Variants in MAN1C1 observed in about 807,000 individuals in gnomAD.
The protein encoded by MAN1C1 is mannosidase alpha class 1C member 1, also known as mannosyl-oligosaccharide 1,2-alpha-mannosidase IC.
Under a neutral mutation model 71.5 loss-of-function variants are expected in MAN1C1, and 49 were observed. The ratio of observed to expected loss-of-function variants is 0.69; its 90% CI spans 0.54 to 0.87. The LOEUF (loss-of-function observed/expected upper bound fraction) is 0.87, where lower values mean the gene tolerates loss of function less well. MAN1C1 is among the 40% of genes least tolerant of loss of function. MAN1C1 has a pLI of 0.00. For missense variants in MAN1C1, 743 were observed against 835.0 expected (o/e 0.89, Z 1.36); for synonymous variants, 352 against 343.7 (o/e 1.02, Z -0.27).
chr1:25,745,959 C>A (rs1355678584), intron 2 of MAN1C1, among the ~76,000 whole-genome samples: 1 of 151,798 alleles, frequency 6.6e-6, no homozygotes, highest in Non-Finnish European at 1.5e-5. Flanking sequence ...CCATTATACT[C>A]CAGTCTGAGC....
At chr1:25,633,805 C>T (rs1557741550) in intron 1 of MAN1C1, among the ~76,000 whole-genome samples, 1 of 152,026 alleles carries the variant, frequency 6.6e-6, no homozygotes, top group Non-Finnish European at 1.5e-5. Context: ...GGTGCTGTTC[C>T]ATTTATCATG....
At chr1:25,641,759 T>G in intron 1 of MAN1C1, among the ~76,000 whole-genome samples, 1 of 152,210 alleles carries the variant, frequency 6.6e-6, no homozygotes, top group East Asian at 1.9e-4. Context: ...AAATTTTCTG[T>G]ATTTATTAAG....
chr1:25,624,007 A>C (rs77505866), intron 1 of MAN1C1, among the ~76,000 whole-genome samples: 6 of 152,248 alleles, frequency 3.9e-5, no homozygotes, highest in Admixed American at 2.6e-4. Context: ...AAAGACCAGG[A>C]TCATTCAAAC....
chr1:25,653,815 G>C (rs142787868), intron 1 of MAN1C1, among the ~76,000 whole-genome samples: 35 of 152,298 alleles, frequency 2.3e-4, no homozygotes, highest in African/African-American at 8.4e-4. Flanking sequence ...GGAGCAGCAC[G>C]CTTCAAAACT....
In MAN1C1 at chr1:25,634,798, C is replaced by T. The variant is rs959548224; in HGVS notation, c.540+16461C>T. ...TTGTGCCACTGCACTCCAGCCTGGG[C>T]AACAGAGCGAGACTCTGTCTCAAAA... On this transcript the variant is annotated intron_variant, in intron 1 of 11. Transcript: ENST00000374332. The surrounding 1 kb of genome is among the most constrained non-coding windows in gnomAD (Gnocchi z 4.6). Among the ~76,000 whole-genome samples, 109 of 151,824 alleles carry T rather than the reference C, an allele frequency of 7.2e-4. No homozygotes were observed. Among genetic ancestry groups the T allele is most frequent in the Non-Finnish European group, 2.8e-4 (19 of 67,980 alleles).
Position 25,618,047 on chromosome 1 carries a change from C to G in MAN1C1, c.250C>G (p.Pro84Ala), listed in dbSNP as rs2045135315. Reference sequence around the variant, plus strand: ...CCGCGAGCAGGAGCCGCCTCCCAACCCGGCCCCCGCCGCGCCGGCCCCGGG... The same window carrying G: ...CCGCGAGCAGGAGCCGCCTCCCAACGCGGCCCCCGCCGCGCCGGCCCCGGG... ...PAREQEPPPN[P>A]APAAPAPGED... Residue 84 changes from proline (P) to alanine (A), a missense_variant, in exon 1 of 12, where the codon CCG (proline) becomes GCG (alanine). Pro to Ala is a conservative substitution (Grantham distance 27). Coordinates refer to ENST00000374332, the MANE Select transcript of MAN1C1 (RefSeq NM_020379.4). 1 of 1,567,710 alleles carries G rather than the reference C, an allele frequency of 6.4e-7. No individual in the cohort carries two copies. The highest frequency in any genetic ancestry group is 1.8e-5 in the Admixed American group (1 of 55,062).
chr1:25,756,706 T>A (rs807259), intron 5 of MAN1C1, among the ~76,000 whole-genome samples: 96,542 of 151,844 alleles, frequency 0.64, 31,808 homozygotes, highest in Middle Eastern at 0.83. Context: ...AGCAGACCTG[T>A]TTGAATCCTG....
At chr1:25,700,940 G>C (rs1051059375) in intron 2 of MAN1C1, among the ~76,000 whole-genome samples, 1 of 152,258 alleles carries the variant, frequency 6.6e-6, no homozygotes, top group Non-Finnish European at 1.5e-5. Context: ...GCACCCCCCA[G>C]ATGGCTGTCT....
chr1:25,696,564 C>G (rs2046372330), intron 2 of MAN1C1, among the ~76,000 whole-genome samples: 1 of 152,170 alleles, frequency 6.6e-6, no homozygotes, highest in African/African-American at 2.4e-5. Flanking sequence ...AAAAGCATTT[C>G]CATCACCCTA....
chr1:25,755,001 T>C (rs1010708803), intron 5 of MAN1C1, among the ~76,000 whole-genome samples: 1 of 152,040 alleles, frequency 6.6e-6, no homozygotes, highest in East Asian at 1.9e-4. Context: ...TGGCACTGAG[T>C]TTGCTCTTCG....
At chr1:25,766,263 T>G (rs938114509) in intron 7 of MAN1C1, among the ~76,000 whole-genome samples, 4 of 152,114 alleles carry the variant, frequency 2.6e-5, no homozygotes, top group Admixed American at 2.6e-4. Flanking sequence ...GGGGTTATAA[T>G]GCCCAGCTCG....
chr1:25,676,434 C>T (rs2046069713), intron 1 of MAN1C1, among the ~76,000 whole-genome samples: 1 of 152,162 alleles, frequency 6.6e-6, no homozygotes, highest in Non-Finnish European at 1.5e-5. Context: ...GGGTCACCAA[C>T]CAGGTCATGT....
At chr1:25,723,139 G>T (rs1451595205) in intron 2 of MAN1C1, among the ~76,000 whole-genome samples, 1 of 152,112 alleles carries the variant, frequency 6.6e-6, no homozygotes. Context: ...TGGGCAAGAG[G>T]GCAAAGGTGG....
At position 25,783,702 on chromosome 1, in the gene MAN1C1, C is replaced by G; in HGVS notation, c.1806C>G (p.Ser602=). The change falls in exon 12 of 12, where the codon TCC becomes TCG. Residue 602 remains serine (S), a synonymous_variant. Coordinates refer to ENST00000374332, the MANE Select transcript of MAN1C1 (RefSeq NM_020379.4). Reference sequence around the variant, plus strand: ...TGTTCTCTGAAGATGACTTGCTCTCCCTGGAAGACTGGGTGTTCAACACCG... The same window carrying G: ...TGTTCTCTGAAGATGACTTGCTCTCGCTGGAAGACTGGGTGTTCAACACCG... The part of the protein sequence containing the change: ...YLLFSEDDLL[S]LEDWVFNTEA... 5 of 1,613,468 alleles carry G rather than the reference C, an allele frequency of 3.1e-6. No homozygotes were observed. Among genetic ancestry groups the G allele is most frequent in the Non-Finnish European group, 4.2e-6 (5 of 1,180,020 alleles).
Position 25,782,797 on chromosome 1 carries a change from G to A in MAN1C1, c.1766+97G>A. 1.1e-6 allele frequency: 1 copy of A among 937,454 alleles called. No homozygotes were observed. The highest frequency in any genetic ancestry group is 1.7e-6 in the Non-Finnish European group (1 of 592,184). 58.1% of individuals were successfully genotyped at this position (937,454 alleles called of 1,614,324 possible). On this transcript the variant is annotated intron_variant, in intron 11 of 11. Transcript: ENST00000374332. The surrounding 1 kb of genome is among the most constrained non-coding windows in gnomAD (Gnocchi z 4.4). ...TCCACAGTCAGGTTCTGTGGTCACA[G>A]GACGGGAGCCCAAAAGGGGTGAAGG...
chr1:25,722,130 C>T (rs1311683182), intron 2 of MAN1C1, among the ~76,000 whole-genome samples: 9 of 152,190 alleles, frequency 5.9e-5, no homozygotes, highest in African/African-American at 1.2e-4. Context: ...TCCGACATTC[C>T]GGATGAGAAA....
In MAN1C1 at chr1:25,761,620, C is replaced by CTATTTTT. The variant is rs1330318972; in HGVS notation, c.1048-2253_1048-2252insATTTTTT. ...ACCATTCTACTCTCTACCTCTACTT[C>CTATTTTT]TTTTTTTTTTTTTTTTTTTTTGAGA... is the stretch of plus-strand genomic sequence containing the variant. On this transcript the variant is annotated intron_variant, in intron 6 of 11. Coordinates refer to ENST00000374332, the MANE Select transcript of MAN1C1 (RefSeq NM_020379.4). The CTATTTTT allele has an allele frequency of 3.5e-4, 34 of 95,810 alleles. 1 individual carries two copies. Among genetic ancestry groups the CTATTTTT allele is most frequent in the African/African-American group, 1.3e-3 (30 of 23,030 alleles). The allele number at this position is 95,810 out of a possible 1,614,324, so 5.9% of individuals were successfully genotyped here. A position where few individuals can be genotyped will look rare whatever the true frequency, so the allele number is the denominator to read the frequency against.
intron 1 of MAN1C1, among the ~76,000 whole-genome samples, chr1:25,672,047 T>A (rs1023987087): frequency 7.9e-5 from 12 of 152,224 alleles, no homozygotes; most frequent in Non-Finnish European, 1.3e-4. Context: ...CCCAACGGCC[T>A]GGGAACCAGG....
At chr1:25,637,372 A>C (rs1000125687) in intron 1 of MAN1C1, among the ~76,000 whole-genome samples, 2 of 152,066 alleles carry the variant, frequency 1.3e-5, no homozygotes, top group Non-Finnish European at 2.9e-5. Flanking sequence ...AATTTTCCAG[A>C]TATCTTTTAA....
Sources: gnomAD v4.1 joint callset for allele counts (sites outside exome capture counted in the v4.1 genomes callset) on GRCh38, gnomAD v4.1.1 for gene constraint, Gnocchi (gnomAD v3.1) non-coding constraint, MANE v1.5 for transcripts, NCBI Gene and HGNC (gene_info 2026-07-23, HGNC 2026-07-21) for gene names.